The following RFX4 variants were observed in gnomAD, a reference collection of about 807,000 sequenced individuals.
The protein encoded by RFX4 is transcription factor RFX4.
Under a neutral mutation model 95.0 loss-of-function variants are expected in RFX4, and 10 were observed. The ratio of observed to expected loss-of-function variants is 0.11; its 90% CI spans 0.06 to 0.18. The LOEUF (loss-of-function observed/expected upper bound fraction) is 0.18. RFX4 is among the 10% of genes least tolerant of loss of function. RFX4 has a pLI of 1.00. For synonymous variants in RFX4, 321 were observed against 340.7 expected (o/e 0.94, Z 0.64); for missense variants, 640 against 922.0 (o/e 0.69, Z 3.96).
chr12:106,608,764 T>TTTTC (rs776265441), intron 1 of RFX4, 33 bp from the exon 2 acceptor site: 17 of 1,550,700 alleles, frequency 1.1e-5, no homozygotes, highest in Non-Finnish European at 1.3e-5. Flanking sequence ...TTTCTTTTTC[T>TTTTC]TTTCTTTCTT....
At chr12:106,597,997 T>C (rs902603083) in intron 1 of RFX4, among the ~76,000 whole-genome samples, 1 of 152,240 alleles carries the variant, frequency 6.6e-6, no homozygotes, top group African/African-American at 2.4e-5. Context: ...TAGTATTCTA[T>C]GTGCTTTCTG....
At chr12:106,760,365 T>A (rs868485007) in intron 17 of RFX4, among the ~76,000 whole-genome samples, 24 of 152,308 alleles carry the variant, frequency 1.6e-4, no homozygotes, top group African/African-American at 5.3e-4. Context: ...CAGAAAAGAA[T>A]GTAAAAGAAG....
intron 5 of RFX4, 50 bp downstream of exon 5, chr12:106,682,104 C>T (rs759836303): frequency 1.3e-5 from 21 of 1,576,732 alleles, no homozygotes; most frequent in Middle Eastern, 1.7e-4. Flanking sequence ...CTATGGGCCT[C>T]GAGACAGGCC....
At chr12:106,693,115 C>T (rs1274091313) in intron 7 of RFX4, 1 of 444,634 alleles carries the variant, frequency 2.2e-6, no homozygotes, top group Admixed American at 2.4e-5. Flanking sequence ...CAGGGAAACA[C>T]TGCATCTGTC....
At position 106,583,350 on chromosome 12, in the gene RFX4, C is replaced by T; in HGVS notation, c.30C>T (p.Asp10=). 1 of 1,586,502 alleles carries T rather than the reference C, an allele frequency of 6.3e-7. No homozygotes were observed. The highest frequency in any genetic ancestry group is 2.4e-5 in the East Asian group (1 of 42,050). Residue 10 remains aspartate, a synonymous_variant, in exon 1 of 18, where the codon GAC becomes GAT. Transcript: ENST00000392842. ...ATTGTGGGTTACTGGAGGAACCCGA[C>T]ATGGATTCCACAGGTTAGTCCTACT... is the stretch of plus-strand genomic sequence containing the variant. MHCGLLEEP[D]MDSTESWIER...
chr12:106,672,317 G>C (rs577339359), intron 4 of RFX4, among the ~76,000 whole-genome samples: 1 of 152,258 alleles, frequency 6.6e-6, no homozygotes, highest in African/African-American at 2.4e-5. Context: ...GTTCTCCAGA[G>C]CTTCTCTGCT....
At chr12:106,603,560 C>T (rs951057615) in intron 1 of RFX4, among the ~76,000 whole-genome samples, 1 of 152,246 alleles carries the variant, frequency 6.6e-6, no homozygotes, top group Non-Finnish European at 1.5e-5. Flanking sequence ...CCAGGAGCCT[C>T]TGCTCACGGC....
chr12:106,628,428 G>T (rs1003271860), intron 2 of RFX4, among the ~76,000 whole-genome samples: 1 of 152,104 alleles, frequency 6.6e-6, no homozygotes, highest in Non-Finnish European at 1.5e-5. Context: ...AGACCATAAA[G>T]CCTCCCTAGA....
At chr12:106,591,051 T>C (rs1294207613) in intron 1 of RFX4, among the ~76,000 whole-genome samples, 4 of 152,098 alleles carry the variant, frequency 2.6e-5, no homozygotes, top group Non-Finnish European at 5.9e-5. Context: ...GAACCAGGAT[T>C]TGAGCGGAGG....
intron 7 of RFX4, among the ~76,000 whole-genome samples, chr12:106,689,711 G>GA (rs1372073947): frequency 6.6e-6 from 1 of 152,020 alleles, no homozygotes; most frequent in Non-Finnish European, 1.5e-5. Context: ...TTACATTTTG[G>GA]AAAAAATATA....
At chr12:106,677,365 A>G (rs1389937323) in intron 4 of RFX4, among the ~76,000 whole-genome samples, 1 of 152,026 alleles carries the variant, frequency 6.6e-6, no homozygotes, top group Admixed American at 6.5e-5. Context: ...TGGATGTGGG[A>G]GCAACATAAG....
intron 4 of RFX4, among the ~76,000 whole-genome samples, chr12:106,680,465 A>T (rs549869751): frequency 2.0e-5 from 3 of 152,318 alleles, no homozygotes; most frequent in African/African-American, 7.2e-5. Flanking sequence ...TCCCAGTTCA[A>T]ACAGCTAACA....
intron 3 of RFX4, among the ~76,000 whole-genome samples, chr12:106,653,748 AT>A (rs2040900942): frequency 6.6e-6 from 1 of 152,134 alleles, no homozygotes; most frequent in South Asian, 2.1e-4. Flanking sequence ...CTCCTGGGGC[AT>A]TGGTTTTCCC....
At chr12:106,608,734 G>T in intron 1 of RFX4, 63 bp from the exon 2 acceptor site, 1 of 1,439,242 alleles carries the variant, frequency 6.9e-7, no homozygotes, top group Non-Finnish European at 9.4e-7. Flanking sequence ...AACACCCACA[G>T]CAATTCTGTG....
chr12:106,599,543 C>G (rs2039669812), intron 1 of RFX4, among the ~76,000 whole-genome samples: 1 of 151,858 alleles, frequency 6.6e-6, no homozygotes, highest in African/African-American at 2.4e-5. Flanking sequence ...AAGCCATATT[C>G]CAGGAGAATG....
At chr12:106,607,434 G>A (rs1286361135) in intron 1 of RFX4, among the ~76,000 whole-genome samples, 1 of 152,136 alleles carries the variant, frequency 6.6e-6, no homozygotes, top group African/African-American at 2.4e-5. Flanking sequence ...GGTATCAGAA[G>A]GGTTGCAGCC....
intron 16 of RFX4, among the ~76,000 whole-genome samples, chr12:106,749,237 T>C (rs1321550398): frequency 2.4e-5 from 3 of 125,094 alleles, no homozygotes; most frequent in African/African-American, 6.3e-5. Context: ...GCCTGGAGAA[T>C]AGAGCGATAT....
At chr12:106,752,089 T>C (rs1229614861) in intron 17 of RFX4, among the ~76,000 whole-genome samples, 2 of 151,036 alleles carry the variant, frequency 1.3e-5, no homozygotes. Context: ...TTTAAGTCTT[T>C]AATCCATCTT....
intron 3 of RFX4, among the ~76,000 whole-genome samples, chr12:106,640,323 C>G (rs554156217): frequency 6.6e-6 from 1 of 152,126 alleles, no homozygotes; most frequent in African/African-American, 2.4e-5. Flanking sequence ...GGAAAAGAAA[C>G]ATCAGGAAGG....
Sources: gnomAD v4.1 joint callset for allele counts (sites outside exome capture counted in the v4.1 genomes callset) on GRCh38, gnomAD v4.1.1 for gene constraint, MANE v1.5 for transcripts, NCBI Gene and HGNC (gene_info 2026-07-23, HGNC 2026-07-21) for gene names.